DIP2C: variants seen among roughly 807,000 people sequenced by gnomAD.
The protein encoded by DIP2C is DIP2 acetate--CoA ligase C (putative).
In DIP2C, 33 loss-of-function variants were observed where a neutral mutation model predicts 192.4. The ratio of observed to expected loss-of-function variants is 0.17; its 90% CI spans 0.13 to 0.23. DIP2C has a LOEUF of 0.23. Ranked by LOEUF, DIP2C falls within the 10% of genes least tolerant of loss-of-function variation. The pLI is 1.00. For synonymous variants in DIP2C, 979 were observed against 864.1 expected (o/e 1.13, Z -2.33); for missense variants, 1,537 against 2,110.1 (o/e 0.73, Z 5.32).
chr10:579,847 T>C (rs1850479754), intron 1 of DIP2C, among the ~76,000 whole-genome samples: 1 of 152,038 alleles, frequency 6.6e-6, no homozygotes, highest in African/African-American at 2.4e-5. Context: ...CACACATCTG[T>C]ACAGTGTACA....
intron 1 of DIP2C, among the ~76,000 whole-genome samples, chr10:587,926 G>T (rs373658054): frequency 0.014 from 36 of 2,604 alleles, no homozygotes; most frequent in South Asian, 0.045. Context: ...ATCCACACCA[G>T]CCACTGCCTC....
chr10:589,500 A>G (rs949665022), intron 1 of DIP2C, among the ~76,000 whole-genome samples: 1 of 152,156 alleles, frequency 6.6e-6, no homozygotes, highest in Non-Finnish European at 1.5e-5. Flanking sequence ...TAATTTTCAT[A>G]CAGGAATTTC....
chr10:501,257 T>C (rs1203835477), intron 1 of DIP2C, among the ~76,000 whole-genome samples: 2 of 152,340 alleles, frequency 1.3e-5, no homozygotes, highest in East Asian at 1.9e-4. Context: ...GTACACACTT[T>C]AGTTTGTGGA....
intron 1 of DIP2C, among the ~76,000 whole-genome samples, chr10:579,402 C>T (rs1051088291): frequency 5.3e-5 from 8 of 152,004 alleles, no homozygotes; most frequent in Non-Finnish European, 7.4e-5. Flanking sequence ...TACACACATC[C>T]AGATCCATAT....
chr10:537,258 C>A (rs1022819997), intron 1 of DIP2C, among the ~76,000 whole-genome samples: 1 of 152,070 alleles, frequency 6.6e-6, no homozygotes, highest in African/African-American at 2.4e-5. Context: ...GGATCTAGAG[C>A]CCTGCACAGC....
chr10:636,312 T>C lies in DIP2C; in HGVS notation c.85+53182A>G, dbSNP rs1191709645. On this transcript the variant is annotated intron_variant, in intron 1 of 36. Coordinates refer to ENST00000280886, the MANE Select transcript of DIP2C (RefSeq NM_014974.3). The surrounding 1 kb of genome is among the most constrained non-coding windows in gnomAD (Gnocchi z 4.6). ...CTTTCCCACATTTTCATTATGAAAA[T>C]GTTCAAACATATTTAAAAAGTGGAA... 6.6e-6 allele frequency among the ~76,000 whole-genome samples: 1 copy of C among 152,186 alleles called. No homozygotes were observed. Among genetic ancestry groups the C allele is most frequent in the African/African-American group, 2.4e-5 (1 of 41,434 alleles).
At chr10:333,841 C>T (rs1957615142) in intron 29 of DIP2C, among the ~76,000 whole-genome samples, 1 of 152,202 alleles carries the variant, frequency 6.6e-6, no homozygotes, top group African/African-American at 2.4e-5. Context: ...TCGGTGACAG[C>T]ATTCTAGTGG....
At chr10:421,457 C>A (rs182366956) in intron 5 of DIP2C, among the ~76,000 whole-genome samples, 1 of 152,008 alleles carries the variant, frequency 6.6e-6, no homozygotes, top group Non-Finnish European at 1.5e-5. Flanking sequence ...TTCAGGTGCC[C>A]GATAAAGCTG....
chr10:485,277 G>T (rs935796598), intron 2 of DIP2C, among the ~76,000 whole-genome samples: 2 of 152,246 alleles, frequency 1.3e-5, no homozygotes, highest in Admixed American at 6.5e-5. Flanking sequence ...GAACTCACAG[G>T]GACAGGGCGG....
intron 1 of DIP2C, among the ~76,000 whole-genome samples, chr10:558,646 AGT>A (rs1849036155): frequency 6.6e-6 from 1 of 152,188 alleles, no homozygotes; most frequent in Admixed American, 6.5e-5. Context: ...TAAGCCTGAA[AGT>A]GTGTTTCTGA....
At chr10:539,109 G>A (rs1041567326) in intron 1 of DIP2C, among the ~76,000 whole-genome samples, 4 of 152,138 alleles carry the variant, frequency 2.6e-5, no homozygotes, top group African/African-American at 7.2e-5. Flanking sequence ...CCTCAGTTGC[G>A]AGTTGTCTGT....
chr10:333,091 C>T (rs1014618090), intron 29 of DIP2C, among the ~76,000 whole-genome samples: 40 of 152,214 alleles, frequency 2.6e-4, no homozygotes, highest in African/African-American at 8.2e-4. Flanking sequence ...TTAGCAGAGA[C>T]GAGGTTTCAT....
chr10:545,166 CTTTTTTTTTTT>C (rs60185327), intron 1 of DIP2C, among the ~76,000 whole-genome samples: 4 of 86,336 alleles, frequency 4.6e-5, no homozygotes, highest in Non-Finnish European at 2.1e-5. Flanking sequence ...GGTGTTTTCC[CTTTTTTTTTTT>C]TTTTTTTTTT....
At chr10:399,010 G>A (rs1964203791) in intron 10 of DIP2C, 99 bp downstream of exon 10, 2 of 1,019,608 alleles carry the variant, frequency 2.0e-6, no homozygotes, top group Non-Finnish European at 3.0e-6. Context: ...GAAACCCAGG[G>A]CCCCAGAAAC....
intron 31 of DIP2C, among the ~76,000 whole-genome samples, chr10:310,899 A>G (rs1203310896): frequency 6.6e-6 from 1 of 152,162 alleles, no homozygotes. Flanking sequence ...TAAACCTACA[A>G]TAAATTTGCC....
At position 607,147 on chromosome 10, in the gene DIP2C, C is replaced by T. The variant is rs1476061363; in HGVS notation, c.85+82347G>A. On this transcript the variant is annotated intron_variant, in intron 1 of 36. Coordinates refer to ENST00000280886, the MANE Select transcript of DIP2C (RefSeq NM_014974.3). Reference sequence around the variant, plus strand: ...TGCCAAGGAGGATGGCCCTGAAGTCCGCTGAGATTTCCAAAGCTCTACAAA... The same window carrying T: ...TGCCAAGGAGGATGGCCCTGAAGTCTGCTGAGATTTCCAAAGCTCTACAAA... 2.6e-5 allele frequency among the ~76,000 whole-genome samples: 4 copies of T among 152,220 alleles called. 1 individual carries two copies. Among genetic ancestry groups the T allele is most frequent in the Non-Finnish European group, 5.9e-5 (4 of 68,040 alleles).
chr10:364,042 G>A (rs144820865), intron 20 of DIP2C, among the ~76,000 whole-genome samples: 127 of 152,104 alleles, frequency 8.3e-4, no homozygotes, highest in Middle Eastern at 3.4e-3. Context: ...ATTGTCCTTG[G>A]GTCTCTCCAA....
At chr10:540,640 T>C (rs376237398) in intron 1 of DIP2C, among the ~76,000 whole-genome samples, 6 of 152,214 alleles carry the variant, frequency 3.9e-5, no homozygotes, top group African/African-American at 1.4e-4. Context: ...GATCGTGGCA[T>C]GACAGTGTGA....
intron 1 of DIP2C, among the ~76,000 whole-genome samples, chr10:602,892 G>A (rs921769410): frequency 2.0e-5 from 3 of 152,088 alleles, no homozygotes; most frequent in Non-Finnish European, 4.4e-5. Flanking sequence ...TCACCTGCTC[G>A]TCTAAGCTTC....
Sources: allele counts gnomAD v4.1 joint callset (sites outside exome capture counted in the v4.1 genomes callset), GRCh38; gene constraint gnomAD v4.1.1; non-coding constraint Gnocchi (gnomAD v3.1); transcripts MANE v1.5; gene names NCBI Gene and HGNC (gene_info 2026-07-23, HGNC 2026-07-21).